PIAS1: variants seen among roughly 807,000 people sequenced by gnomAD.
PIAS1 encodes the protein protein inhibitor of activated STAT 1, also known as E3 SUMO-protein ligase PIAS1.
Under a neutral mutation model 71.3 loss-of-function variants are expected in PIAS1, and 6 were observed. That is an observed-to-expected ratio of 0.08 (90% CI 0.05 to 0.17). PIAS1 has a LOEUF of 0.17. Among genes scored for constraint, PIAS1 ranks in the 10% least tolerant of loss-of-function variants. PIAS1 has a pLI of 1.00. For missense variants in PIAS1, 555 were observed against 793.6 expected, an observed-to-expected ratio of 0.70 and a Z score of 3.61; for synonymous variants, 303 against 292.9, an observed-to-expected ratio of 1.03 and a Z score of -0.35.
Position 68,136,078 on chromosome 15 carries a change from C to T in PIAS1, c.470-5868C>T, listed in dbSNP as rs1366235034. On this transcript the variant is annotated intron_variant, in intron 2 of 13. Transcript: ENST00000249636. ...GCAGAGACGCTCCTCACTTCCCAGA[C>T]GGGATGGCGGCCGGGAAGAGGCACT... 9.2e-4 allele frequency among the ~76,000 whole-genome samples: 52 copies of T among 56,450 alleles called. 13 individuals are homozygous for T. Among genetic ancestry groups the T allele is most frequent in the African/African-American group, 2.0e-3 (51 of 26,112 alleles). 37.0% of individuals were successfully genotyped at this position (56,450 alleles called of 152,430 possible).
intron 2 of PIAS1, among the ~76,000 whole-genome samples, chr15:68,120,262 C>T (rs2092602504): frequency 6.6e-6 from 1 of 151,848 alleles, no homozygotes; most frequent in Non-Finnish European, 1.5e-5. Context: ...TTAACTCTCT[C>T]ATATCTGCCA....
At chr15:68,161,614 T>C (rs4777023) in intron 7 of PIAS1, among the ~76,000 whole-genome samples, 57,297 of 151,832 alleles carry the variant, frequency 0.38, 13,176 homozygotes, top group East Asian at 0.8. Flanking sequence ...TAATATTTAT[T>C]GAGAATAATA....
Position 68,054,524 on chromosome 15 carries a change from C to A in PIAS1, c.24+174C>A. On this transcript the variant is annotated intron_variant, in intron 1 of 13. Transcript: ENST00000249636. The surrounding 1 kb of genome is among the most constrained non-coding windows in gnomAD (Gnocchi z 4.6). ...GCAGAGGGGGCCCGCCTGCGGCGGG[C>A]CGCGGGCCCCGGGTGCCTCGGGGGC... 1 of 561,630 alleles carries A rather than the reference C, an allele frequency of 1.8e-6. No homozygotes were observed. Among genetic ancestry groups the A allele is most frequent in the Non-Finnish European group, 3.0e-6 (1 of 334,024 alleles). The allele number at this position is 561,630 out of a possible 1,614,324, so 34.8% of individuals were successfully genotyped here.
chr15:68,115,181 T>G (rs1212663242), intron 2 of PIAS1, among the ~76,000 whole-genome samples: 1 of 152,104 alleles, frequency 6.6e-6, no homozygotes, highest in Non-Finnish European at 1.5e-5. Flanking sequence ...TAAATAAAGG[T>G]GCTGTAAGCA....
intron 7 of PIAS1, among the ~76,000 whole-genome samples, chr15:68,155,472 A>AAAAAAC (rs869077994): frequency 6.7e-6 from 1 of 149,176 alleles, no homozygotes; most frequent in Non-Finnish European, 1.5e-5. Flanking sequence ...AAAAAAAAAA[A>AAAAAAC]CCAAAAACTT....
At chr15:68,057,708 A>G in intron 1 of PIAS1, 1 of 223,848 alleles carries the variant, frequency 4.5e-6, no homozygotes, top group Non-Finnish European at 9.0e-6. Flanking sequence ...TAGTTTATTC[A>G]TGGATTTGAT....
chr15:68,058,791 A>C (rs2091924689), intron 1 of PIAS1, among the ~76,000 whole-genome samples: 1 of 152,220 alleles, frequency 6.6e-6, no homozygotes, highest in Non-Finnish European at 1.5e-5. Flanking sequence ...ACTCAGAGAT[A>C]TCATGGTTAA....
chr15:68,129,058 G>A (rs973125549), intron 2 of PIAS1, among the ~76,000 whole-genome samples: 7 of 151,932 alleles, frequency 4.6e-5, no homozygotes, highest in African/African-American at 1.7e-4. Flanking sequence ...AATATTAGAG[G>A]ATACAGTGTA....
At chr15:68,123,983 TAC>T (rs10624056) in intron 2 of PIAS1, among the ~76,000 whole-genome samples, 1,671 of 151,180 alleles carry the variant, frequency 0.011, 18 homozygotes, top group East Asian at 0.032. Context: ...TGTGTGAATA[TAC>T]ACACACACAC....
intron 8 of PIAS1, among the ~76,000 whole-genome samples, chr15:68,170,247 A>G (rs1301431046): frequency 2.0e-5 from 3 of 152,206 alleles, no homozygotes; most frequent in African/African-American, 4.8e-5. Context: ...TTTTGTTGTT[A>G]TTCAACAAAA....
intron 10 of PIAS1, 68 bp from the exon 11 acceptor site, chr15:68,176,406 A>G: frequency 9.8e-7 from 1 of 1,020,324 alleles, no homozygotes; most frequent in African/African-American, 1.6e-5. Flanking sequence ...GATAAACTGT[A>G]GTGACACTGA....
At chr15:68,079,882 G>T (rs1294545894) in intron 1 of PIAS1, among the ~76,000 whole-genome samples, 3 of 152,114 alleles carry the variant, frequency 2.0e-5, no homozygotes, top group African/African-American at 4.8e-5. Flanking sequence ...GCCCAGGCTG[G>T]AGTACAATGG....
In PIAS1 at chr15:68,153,656, G is replaced by A. The variant is rs562485835; in HGVS notation, c.895G>A (p.Ala299Thr). 1.2e-5 allele frequency: 19 copies of A among 1,590,022 alleles called. 1 individual carries two copies. In the South Asian group the frequency reaches 1.9e-4, roughly 16 times the overall value. ...AACAGTTCTTCTTCAGAGGTTACGA[G>A]CAAAGGGAATAAGGAATCCGGATCA... The part of the protein sequence containing the change: ...SSTVLLQRLR[A>T]KGIRNPDHSR... The change falls in exon 7 of 14, where the codon GCA (alanine) becomes ACA (threonine). Residue 299 changes from alanine to threonine, a missense_variant. Coordinates refer to ENST00000249636, the MANE Select transcript of PIAS1 (RefSeq NM_016166.3).
At position 68,193,760 on chromosome 15, in the gene PIAS1, C is replaced by T. The variant is rs192460008; in HGVS notation, c.*5925C>T. The T allele has an allele frequency of 2.0e-4, 74 of 377,774 alleles. No individual in the cohort carries two copies. The East Asian group carries it at 2.6e-3, about 13-fold the overall frequency. 23.4% of individuals were successfully genotyped at this position (377,774 alleles called of 1,614,324 possible). A position where few individuals can be genotyped will look rare whatever the true frequency, so the allele number is the denominator to read the frequency against. On this transcript the variant is annotated 3_prime_UTR_variant, in exon 14 of 14. Transcript: ENST00000249636. ...CTGGAACCCAGGCCAGACTCCAAAC[C>T]GCAGGCTCCTTCCATGCTTGAAAGG...
At chr15:68,102,896 A>G (rs1233106127) in intron 2 of PIAS1, among the ~76,000 whole-genome samples, 2 of 151,958 alleles carry the variant, frequency 1.3e-5, no homozygotes, top group African/African-American at 4.8e-5. Flanking sequence ...GTGTTGAATA[A>G]TAGTGGTGAC....
chr15:68,067,614 TA>T (rs1425379203), intron 1 of PIAS1, among the ~76,000 whole-genome samples: 1 of 152,102 alleles, frequency 6.6e-6, no homozygotes, highest in African/African-American at 2.4e-5. Context: ...TAATATATAA[TA>T]ATGATTCTTA....
At chr15:68,069,104 C>T (rs1337847319) in intron 1 of PIAS1, among the ~76,000 whole-genome samples, 1 of 151,646 alleles carries the variant, frequency 6.6e-6, no homozygotes, top group Non-Finnish European at 1.5e-5. Context: ...CCATGTTGGC[C>T]AGGCTGGTCT....
chr15:68,069,670 C>T (rs1211854234), intron 1 of PIAS1, among the ~76,000 whole-genome samples: 3 of 151,672 alleles, frequency 2.0e-5, no homozygotes, highest in Non-Finnish European at 2.9e-5. Flanking sequence ...GGCGTGGTGG[C>T]GCGGGAGCCT....
chr15:68,083,474 TC>T (rs2092248334), intron 1 of PIAS1, among the ~76,000 whole-genome samples: 1 of 152,196 alleles, frequency 6.6e-6, no homozygotes, highest in Non-Finnish European at 1.5e-5. Flanking sequence ...GAATCCACAT[TC>T]TTTTCTTATC....
Sources: allele counts gnomAD v4.1 joint callset (sites outside exome capture counted in the v4.1 genomes callset), GRCh38; gene constraint gnomAD v4.1.1; non-coding constraint Gnocchi (gnomAD v3.1); transcripts MANE v1.5; gene names NCBI Gene and HGNC (gene_info 2026-07-23, HGNC 2026-07-21).